The following LRPAP1 variants were observed in gnomAD, a reference collection of about 807,000 sequenced individuals.
The protein encoded by LRPAP1 is alpha-2-macroglobulin receptor-associated protein.
LRPAP1 carries 41 observed loss-of-function variants against 39.9 expected under a neutral mutation model. The ratio of observed to expected loss-of-function variants is 1.03; its 90% CI spans 0.80 to 1.33. The LOEUF (loss-of-function observed/expected upper bound fraction) is 1.33. LRPAP1 is among the 40% of genes most tolerant of loss of function. The pLI, the probability that LRPAP1 is intolerant of heterozygous loss-of-function variation, is 0.00. For missense variants in LRPAP1, 565 were observed against 482.3 expected (o/e 1.17, Z -1.61); for synonymous variants, 263 against 212.7 (o/e 1.24, Z -2.06).
chr4:3,523,941 G>GC (rs1387472657), intron 2 of LRPAP1, among the ~76,000 whole-genome samples: 1 of 151,982 alleles, frequency 6.6e-6, no homozygotes, highest in Non-Finnish European at 1.5e-5. Flanking sequence ...AGGGGACTGT[G>GC]CCGGGGGCCC....
At position 3,532,277 on chromosome 4, in the gene LRPAP1, G is replaced by A. The variant is rs1307612776; in HGVS notation, c.136C>T (p.Pro46Ser). The stretch of plus-strand genomic sequence containing the variant: ...AACTCCTCTCCGGACTCGCGTTTCG[G>A]GGACGGCTTGGGCTGGTTCTTCTCC... ...SREKNQPKPS[P>S]KRESGEEFRM... is the part of the protein sequence containing the mutation. The change falls in exon 1 of 8, where the codon CCG (proline) becomes TCG (serine). Residue 46 changes from proline (P) to serine (S), a missense_variant. By Grantham distance (74) the Pro-to-Ser change is moderately conservative. Transcript: ENST00000650182. The A allele has an allele frequency of 6.4e-7, 1 of 1,558,248 alleles. No homozygotes were observed. Among genetic ancestry groups the A allele is most frequent in the Non-Finnish European group, 8.7e-7 (1 of 1,150,476 alleles).
chr4:3,517,926 T>C, intron 5 of LRPAP1, 108 bp downstream of exon 5: 2 of 1,410,704 alleles, frequency 1.4e-6, no homozygotes, highest in South Asian at 1.4e-5. Context: ...CTCCGCTGCG[T>C]CCACAGGCCC....
At chr4:3,521,778 T>C (rs1381045678) in intron 2 of LRPAP1, among the ~76,000 whole-genome samples, 1 of 152,234 alleles carries the variant, frequency 6.6e-6, no homozygotes, top group East Asian at 1.9e-4. Flanking sequence ...GTCCCGTAGA[T>C]GCATGCTTCA....
At chr4:3,518,808 A>C in intron 4 of LRPAP1, 63 bp downstream of exon 4, 3 of 807,874 alleles carry the variant, frequency 3.7e-6, no homozygotes, top group Non-Finnish European at 3.3e-6. Context: ...CCTCAGGTGC[A>C]GGAGGGGTGG....
At chr4:3,525,263 C>T (rs1022766006) in intron 1 of LRPAP1, 63 of 565,646 alleles carry the variant, frequency 1.1e-4, no homozygotes, top group Middle Eastern at 4.5e-4. Context: ...ATACACGATC[C>T]GGAAACCCCA....
chr4:3,529,630 C>A (rs1464805981), intron 1 of LRPAP1, among the ~76,000 whole-genome samples: 1 of 152,172 alleles, frequency 6.6e-6, no homozygotes. Context: ...GAAAGAGGAA[C>A]TGGGAGAGTC....
chr4:3,516,463 C>T (rs1800492), intron 5 of LRPAP1, among the ~76,000 whole-genome samples: 28,944 of 149,848 alleles, frequency 0.19, 3,639 homozygotes, highest in East Asian at 0.52. Context: ...AAACACCTGC[C>T]TCCATCAGAG....
At chr4:3,515,466 A>G (rs1729662903) in intron 6 of LRPAP1, among the ~76,000 whole-genome samples, 1 of 152,180 alleles carries the variant, frequency 6.6e-6, no homozygotes, top group African/African-American at 2.4e-5. Context: ...GGGAGGTGCT[A>G]AGGGCCCTTC....
intron 5 of LRPAP1, among the ~76,000 whole-genome samples, chr4:3,516,996 C>T (rs1729724790): frequency 6.6e-6 from 1 of 152,242 alleles, no homozygotes; most frequent in African/African-American, 2.4e-5. Flanking sequence ...GGCTGAGTCG[C>T]CCTTTCCTGC....
intron 1 of LRPAP1, among the ~76,000 whole-genome samples, chr4:3,529,969 G>A (rs1422585251): frequency 1.3e-5 from 2 of 152,192 alleles, no homozygotes; most frequent in East Asian, 1.9e-4. Flanking sequence ...CTGCAGAGCC[G>A]GGCAGGAAGT....
rs1007855323 is a variant in LRPAP1 at position 3,510,582 on chromosome 4, G to A, written c.*2392C>T. The A allele has an allele frequency of 6.6e-6, 1 of 152,244 alleles. No homozygotes were observed. Among genetic ancestry groups the A allele is most frequent in the African/African-American group, 2.4e-5 (1 of 41,448 alleles). The allele number at this position is 152,244 out of a possible 1,614,324, so 9.4% of individuals were successfully genotyped here. On this transcript the variant is annotated 3_prime_UTR_variant, in exon 8 of 8. Transcript: ENST00000650182. Reference sequence around the variant, plus strand: ...TAATCTGAAAGTTAAGGGAGAAATGGATCCTGACTGCAACCCACACTGGAA... The same window carrying A: ...TAATCTGAAAGTTAAGGGAGAAATGAATCCTGACTGCAACCCACACTGGAA...
At chr4:3,516,042 T>C (rs1247926123) in intron 6 of LRPAP1, 74 bp downstream of exon 6, 34 of 1,426,844 alleles carry the variant, frequency 2.4e-5, no homozygotes, top group South Asian at 1.2e-5. Context: ...GAGGGCTGCA[T>C]TTCCTTACCC....
At chr4:3,519,508 T>A (rs1729843012) in intron 3 of LRPAP1, among the ~76,000 whole-genome samples, 1 of 152,216 alleles carries the variant, frequency 6.6e-6, no homozygotes, top group Admixed American at 6.5e-5. Context: ...ACTGGGCTAG[T>A]ACAAGAAGTC....
intron 1 of LRPAP1, among the ~76,000 whole-genome samples, chr4:3,526,181 C>T (rs1730074595): frequency 6.6e-6 from 1 of 152,202 alleles, no homozygotes; most frequent in Non-Finnish European, 1.5e-5. Context: ...GTGCTCGGCA[C>T]TGTGCAGTGC....
chr4:3,521,867 G>A (rs1283236607), intron 2 of LRPAP1, among the ~76,000 whole-genome samples: 5 of 152,200 alleles, frequency 3.3e-5, no homozygotes, highest in African/African-American at 1.2e-4. Flanking sequence ...CGGGCGCGGT[G>A]GCTCATGCCT....
At chr4:3,524,570 C>A (rs1214128852) in intron 2 of LRPAP1, among the ~76,000 whole-genome samples, 1 of 152,240 alleles carries the variant, frequency 6.6e-6, no homozygotes, top group Non-Finnish European at 1.5e-5. Flanking sequence ...GATAGCCCCC[C>A]GCAGGCTGTG....
At chr4:3,532,122 G>T in intron 1 of LRPAP1, 87 bp downstream of exon 1, 1 of 1,388,968 alleles carries the variant, frequency 7.2e-7, no homozygotes, top group Non-Finnish European at 9.8e-7. Context: ...GCCCCCCTCC[G>T]CCTCCGACCC....
rs1400320795 is a variant in LRPAP1, at chr4:3,507,804, T to G, written c.*5170A>C. 1 of 151,552 alleles carries G rather than the reference T, an allele frequency of 6.6e-6. No homozygotes were observed. The highest frequency in any genetic ancestry group is 1.9e-4 in the East Asian group (1 of 5,174). 9.4% of individuals were successfully genotyped at this position (151,552 alleles called of 1,614,324 possible). ...AAAGTAGGTTTCTTTGGGGAAAATA[T>G]CTGTAAAAATGATAAACTCTTAGCT... On this transcript the variant is annotated 3_prime_UTR_variant, in exon 8 of 8. Coordinates refer to ENST00000650182, the MANE Select transcript of LRPAP1 (RefSeq NM_002337.4).
At chr4:3,524,675 C>G (rs1024863090) in intron 2 of LRPAP1, among the ~76,000 whole-genome samples, 1 of 152,206 alleles carries the variant, frequency 6.6e-6, no homozygotes, top group African/African-American at 2.4e-5. Context: ...GTTAGCCCCC[C>G]CAAACACTGA....
Sources: allele counts gnomAD v4.1 joint callset (sites outside exome capture counted in the v4.1 genomes callset), GRCh38; gene constraint gnomAD v4.1.1; transcripts MANE v1.5; gene names NCBI Gene and HGNC (gene_info 2026-07-23, HGNC 2026-07-21).